NRXN1: variants seen among roughly 807,000 people sequenced by gnomAD.
NRXN1 encodes the protein neurexin 1.
Under a neutral mutation model 150.9 loss-of-function variants are expected in NRXN1, and 39 were observed. The observed-to-expected ratio is 0.26, with a 90% CI of 0.20 to 0.34. The LOEUF (loss-of-function observed/expected upper bound fraction) is 0.34. NRXN1 is among the 10% of genes least tolerant of loss of function. The pLI, the probability that NRXN1 is intolerant of heterozygous loss-of-function variation, is 1.00. For synonymous variants in NRXN1, 924 were observed against 757.0 expected (o/e 1.22, Z -3.62); for missense variants, 1,815 against 1,949.9 (o/e 0.93, Z 1.30).
intron 15 of NRXN1, among the ~76,000 whole-genome samples, chr2:50,478,398 A>G (rs563000222): frequency 1.3e-5 from 2 of 152,336 alleles, no homozygotes; most frequent in South Asian, 4.1e-4. Context: ...TTCTAAGTTC[A>G]AGGCTTGTAA....
At chr2:50,442,472 T>C (rs1436364837) in intron 17 of NRXN1, among the ~76,000 whole-genome samples, 2 of 152,120 alleles carry the variant, frequency 1.3e-5, no homozygotes, top group African/African-American at 4.8e-5. Context: ...CCAGATAAAC[T>C]GAGGCACCAT....
intron 21 of NRXN1, among the ~76,000 whole-genome samples, chr2:49,984,417 T>C (rs1680550947): frequency 6.6e-6 from 1 of 152,078 alleles, no homozygotes; most frequent in African/African-American, 2.4e-5. Context: ...ACAGGTGTTT[T>C]AAAAACAAAC....
chr2:50,190,720 C>T (rs563654847), intron 18 of NRXN1, among the ~76,000 whole-genome samples: 2 of 149,392 alleles, frequency 1.3e-5, no homozygotes, highest in South Asian at 2.1e-4. Flanking sequence ...TCAAGCGATT[C>T]TCCTGCCTCA....
chr2:50,091,542 C>T lies in NRXN1; in HGVS notation c.3547-48G>A, dbSNP rs769294580. On this transcript the variant is annotated intron_variant, in intron 18 of 22. Transcript: ENST00000401669. ...AGAGTTGAATTAAGTTGACTAGTCA[C>T]CATTTAATAAAGATTACATACAAGG... 46 of 1,576,852 alleles carry T rather than the reference C, an allele frequency of 2.9e-5. 1 individual carries two copies. Among genetic ancestry groups the T allele is most frequent in the East Asian group, 4.5e-5 (2 of 44,696 alleles).
intron 5 of NRXN1, among the ~76,000 whole-genome samples, chr2:50,836,914 TA>T (rs888729914): frequency 2.8e-4 from 42 of 147,728 alleles, no homozygotes; most frequent in East Asian, 1.2e-3. Context: ...TTGTGTAAAT[TA>T]AAAAAAAAAT....
intron 10 of NRXN1, among the ~76,000 whole-genome samples, chr2:50,533,150 T>TAG (rs1414160429): frequency 6.6e-6 from 1 of 152,142 alleles, no homozygotes; most frequent in Non-Finnish European, 1.5e-5. Context: ...AAGCACTGAG[T>TAG]GTTCCAGGTC....
intron 5 of NRXN1, among the ~76,000 whole-genome samples, chr2:50,825,932 C>T (rs1209344712): frequency 6.6e-6 from 1 of 152,228 alleles, no homozygotes; most frequent in African/African-American, 2.4e-5. Flanking sequence ...AAAACCCCCA[C>T]ACATCTCATG....
intron 21 of NRXN1, among the ~76,000 whole-genome samples, chr2:50,036,126 G>A (rs750772036): frequency 6.6e-6 from 1 of 152,002 alleles, no homozygotes; most frequent in Non-Finnish European, 1.5e-5. Flanking sequence ...TTATAATCCC[G>A]GTAATCCTCA....
intron 18 of NRXN1, among the ~76,000 whole-genome samples, chr2:50,163,986 A>G (rs556496355): frequency 6.6e-6 from 1 of 152,184 alleles, no homozygotes; most frequent in East Asian, 1.9e-4. Context: ...CTCAAACCCT[A>G]TGGTTTTCCC....
At chr2:50,782,455 C>A (rs60888284) in intron 5 of NRXN1, among the ~76,000 whole-genome samples, 1 of 151,376 alleles carries the variant, frequency 6.6e-6, no homozygotes, top group Non-Finnish European at 1.5e-5. Flanking sequence ...GGTGACACAA[C>A]GAGACTCTGT....
intron 17 of NRXN1, among the ~76,000 whole-genome samples, chr2:50,322,557 T>A (rs1233062375): frequency 6.6e-6 from 1 of 152,204 alleles, no homozygotes; most frequent in African/African-American, 2.4e-5. Flanking sequence ...AGTATGAAAG[T>A]TCTCTAATCT....
intron 10 of NRXN1, among the ~76,000 whole-genome samples, chr2:50,533,890 C>G (rs2093184327): frequency 6.6e-6 from 1 of 152,146 alleles, no homozygotes; most frequent in Admixed American, 6.6e-5. Flanking sequence ...CTGCTACCCA[C>G]TCCAGTTATT....
chr2:50,891,723 A>G (rs1210884954), intron 5 of NRXN1, among the ~76,000 whole-genome samples: 3 of 152,118 alleles, frequency 2.0e-5, no homozygotes, highest in Non-Finnish European at 4.4e-5. Flanking sequence ...TCAGATGATG[A>G]TACAGTTTCT....
chr2:50,854,455 T>C (rs960783379), intron 5 of NRXN1, among the ~76,000 whole-genome samples: 1 of 152,092 alleles, frequency 6.6e-6, no homozygotes, highest in African/African-American at 2.4e-5. Context: ...AGCTTTGCAC[T>C]GCAGTAAAGT....
intron 21 of NRXN1, among the ~76,000 whole-genome samples, chr2:49,969,362 A>G (rs1677543382): frequency 6.6e-6 from 1 of 152,070 alleles, no homozygotes; most frequent in South Asian, 2.1e-4. Context: ...ATGCAAAATA[A>G]TTCATTATGT....
intron 18 of NRXN1, among the ~76,000 whole-genome samples, chr2:50,171,122 AG>A (rs2060004152): frequency 1.3e-5 from 2 of 152,068 alleles, no homozygotes; most frequent in Non-Finnish European, 2.9e-5. Context: ...CAGTAGGCTG[AG>A]GAAGAGAAGG....
intron 5 of NRXN1, among the ~76,000 whole-genome samples, chr2:50,817,576 T>A (rs1279588050): frequency 1.3e-5 from 2 of 151,914 alleles, no homozygotes; most frequent in Non-Finnish European, 2.9e-5. Context: ...CAGGCCAATA[T>A]CCCTAGTGAA....
chr2:49,948,870 T>C (rs1265149295), intron 21 of NRXN1, among the ~76,000 whole-genome samples: 4 of 151,946 alleles, frequency 2.6e-5, no homozygotes, highest in African/African-American at 9.7e-5. Flanking sequence ...GCATTAGCTT[T>C]ACATAACAGT....
At chr2:50,423,930 G>A (rs1221208023) in intron 17 of NRXN1, among the ~76,000 whole-genome samples, 1 of 152,100 alleles carries the variant, frequency 6.6e-6, no homozygotes, top group African/African-American at 2.4e-5. Flanking sequence ...CAACAGCCAT[G>A]AGGTGAGATC....
Sources: allele counts gnomAD v4.1 joint callset (sites outside exome capture counted in the v4.1 genomes callset), GRCh38; gene constraint gnomAD v4.1.1; transcripts MANE v1.5; gene names NCBI Gene and HGNC (gene_info 2026-07-23, HGNC 2026-07-21).